Variants in TMEM255B observed in about 807,000 individuals in gnomAD.
TMEM255B encodes the protein family with sequence similarity 70, member B.
In TMEM255B, 35 loss-of-function variants were observed where a neutral mutation model predicts 34.5. The observed-to-expected ratio is 1.01, with a 90% CI of 0.77 to 1.34. The LOEUF (loss-of-function observed/expected upper bound fraction) is 1.34. Ranked by LOEUF, TMEM255B falls within the 40% of genes most tolerant of loss-of-function variation. The probability of loss-of-function intolerance (pLI) is 0.00; values close to 1 mark genes in which losing one functional copy is unlikely to be tolerated. For missense variants in TMEM255B, 432 were observed against 433.2 expected (o/e 1.00, Z 0.02); for synonymous variants, 206 against 201.2 (o/e 1.02, Z -0.20).
At chr13:113,811,358 G>A (rs1490590581) in intron 8 of TMEM255B, among the ~76,000 whole-genome samples, 1 of 137,446 alleles carries the variant, frequency 7.3e-6, no homozygotes, top group Non-Finnish European at 1.6e-5. Context: ...GTGGGGGCCG[G>A]TGAGAGAGGT....
chr13:113,816,015 G>C lies in TMEM255B; in HGVS notation c.*4112G>C. The C allele has an allele frequency of 5.4e-6, 1 of 184,366 alleles. No homozygotes were observed. Among genetic ancestry groups the C allele is most frequent in the South Asian group, 6.2e-5 (1 of 16,250 alleles). 11.4% of individuals were successfully genotyped at this position (184,366 alleles called of 1,614,324 possible). On this transcript the variant is annotated 3_prime_UTR_variant, in exon 9 of 9. Transcript: ENST00000375353. Reference sequence around the variant, plus strand: ...GTGCAGTCACTGCTCAGGGACACGGGTTCTTTTCGGGGAGGCAAGCGTGTT... The same window carrying C: ...GTGCAGTCACTGCTCAGGGACACGGCTTCTTTTCGGGGAGGCAAGCGTGTT...
chr13:113,807,418 T>TG (rs765474731), intron 8 of TMEM255B, among the ~76,000 whole-genome samples: 1 of 117,840 alleles, frequency 8.5e-6, no homozygotes, highest in Non-Finnish European at 1.7e-5. Flanking sequence ...TTACGGGATG[T>TG]GGGGGGTGGT....
At chr13:113,799,610 C>CTCTGGAG in intron 5 of TMEM255B, 191 bp downstream of exon 5, 1 of 640,876 alleles carries the variant, frequency 1.6e-6, no homozygotes, top group African/African-American at 1.8e-5. Context: ...CTGTATTTCA[C>CTCTGGAG]TCTGGAGTCA....
chr13:113,765,202 G>T (rs1435589214), intron 1 of TMEM255B, among the ~76,000 whole-genome samples: 1 of 152,222 alleles, frequency 6.6e-6, no homozygotes, highest in African/African-American at 2.4e-5. Context: ...CCAAGGCCAC[G>T]CCCTTGCTGG....
At chr13:113,776,746 G>T (rs781401573) in intron 3 of TMEM255B, among the ~76,000 whole-genome samples, 1 of 152,206 alleles carries the variant, frequency 6.6e-6, no homozygotes, top group African/African-American at 2.4e-5. Flanking sequence ...CACAGTGGGC[G>T]CAGGCGACCT....
chr13:113,810,196 C>T (rs953091980), intron 8 of TMEM255B, among the ~76,000 whole-genome samples: 13 of 152,172 alleles, frequency 8.5e-5, no homozygotes, highest in Non-Finnish European at 1.0e-4. Flanking sequence ...GCTGGCTTCT[C>T]ATGGGACCCT....
chr13:113,808,827 A>T (rs1374788849), intron 8 of TMEM255B, among the ~76,000 whole-genome samples: 2 of 73,704 alleles, frequency 2.7e-5, no homozygotes, highest in Non-Finnish European at 4.9e-5. Flanking sequence ...CTGGGGGTTT[A>T]CTCCGTGGTT....
In TMEM255B at chr13:113,806,963, G is replaced by T. The variant is rs1301089132; in HGVS notation, c.813+1935G>T. ...TGCAGCCCAGAGCATAGCCTCGGTG[G>T]CCCATGCTGTCTTCCATCCTCAACC... is the stretch of plus-strand genomic sequence containing the variant. On this transcript the variant is annotated intron_variant, in intron 8 of 8. Transcript: ENST00000375353. The surrounding 1 kb of genome is among the most constrained non-coding windows in gnomAD (Gnocchi z 4.2). 6.6e-6 allele frequency among the ~76,000 whole-genome samples: 1 copy of T among 152,214 alleles called. No homozygotes were observed. Among genetic ancestry groups the T allele is most frequent in the Admixed American group, 6.5e-5 (1 of 15,286 alleles).
chr13:113,801,579 C>A, intron 6 of TMEM255B, 74 bp from the exon 7 acceptor site: 1 of 1,498,584 alleles, frequency 6.7e-7, no homozygotes, highest in South Asian at 1.3e-5. Context: ...GGGCTCAGGT[C>A]CAGAGGACAC....
At chr13:113,799,889 T>TCTGTGAC in intron 5 of TMEM255B, 1 of 1,137,618 alleles carries the variant, frequency 8.8e-7, no homozygotes, top group Non-Finnish European at 1.2e-6. Context: ...AGGGCACAGC[T>TCTGTGAC]CTGTGACGGC....
intron 3 of TMEM255B, among the ~76,000 whole-genome samples, chr13:113,773,001 CTTAATA>C (rs2050502312): frequency 6.6e-6 from 1 of 152,062 alleles, no homozygotes. Flanking sequence ...GTGTTACCAT[CTTAATA>C]TTAAGTATCC....
rs771804810 is a variant in TMEM255B at position 113,804,942 on chromosome 13, C to A, written c.727C>A (p.Pro243Thr). The stretch of plus-strand genomic sequence containing the variant: ...CGTCCCACCACAGACCCTCTACAAC[C>A]CCGCCCAGCAGATCCTGGCCTACGC... ...PAVPPQTLYNPAQQILAYAGF... is the reference protein window; with the variant it reads ...PAVPPQTLYNTAQQILAYAGF... Residue 243 changes from proline (P) to threonine (T), a missense_variant, in exon 8 of 9, where the codon CCC becomes ACC. Coordinates refer to ENST00000375353, the MANE Select transcript of TMEM255B (RefSeq NM_182614.4). 5 of 1,606,218 alleles carry A rather than the reference C, an allele frequency of 3.1e-6. No homozygotes were observed. The highest frequency in any genetic ancestry group is 1.3e-5 in the African/African-American group (1 of 75,048).
intron 8 of TMEM255B, 132 bp from the exon 9 acceptor site, chr13:113,811,604 G>C: frequency 1.1e-6 from 1 of 942,726 alleles, no homozygotes; most frequent in South Asian, 1.9e-5. Context: ...ATGGCCCTGA[G>C]TCTGCGGGTG....
At chr13:113,773,421 G>A (rs2050508181) in intron 3 of TMEM255B, among the ~76,000 whole-genome samples, 1 of 152,214 alleles carries the variant, frequency 6.6e-6, no homozygotes, top group Non-Finnish European at 1.5e-5. Context: ...GATGCATGGG[G>A]ACCATTTCTA....
At chr13:113,777,317 C>G (rs1332833690) in intron 3 of TMEM255B, among the ~76,000 whole-genome samples, 1 of 152,114 alleles carries the variant, frequency 6.6e-6, no homozygotes. Flanking sequence ...TCTCTTTACA[C>G]CCAGCACACC....
chr13:113,766,263 T>C lies in TMEM255B; in HGVS notation c.189+6T>C. 1 of 1,613,754 alleles carries C rather than the reference T, an allele frequency of 6.2e-7. No individual in the cohort carries two copies. On this transcript the variant is annotated splice_donor_region_variant and intron_variant, in intron 2 of 8. Transcript: ENST00000375353. The stretch of plus-strand genomic sequence containing the variant: ...GCTACTACCCAGGGATCATTGTGAG[T>C]GCGCCGGGCGGGCGGCCTGGGCCGG...
chr13:113,814,775 C>G lies in TMEM255B; in HGVS notation c.*2872C>G, dbSNP rs759970859. On this transcript the variant is annotated 3_prime_UTR_variant, in exon 9 of 9. Coordinates refer to ENST00000375353, the MANE Select transcript of TMEM255B (RefSeq NM_182614.4). The stretch of plus-strand genomic sequence containing the variant: ...CCTCTGCAGGGATGGGCTCCCAATC[C>G]CGCCCTCACTTGGTTCCCATGCACA... 6.6e-6 allele frequency: 1 copy of G among 152,002 alleles called. No individual in the cohort carries two copies. Among genetic ancestry groups the G allele is most frequent in the Non-Finnish European group, 1.5e-5 (1 of 68,022 alleles). 9.4% of individuals were successfully genotyped at this position (152,002 alleles called of 1,614,324 possible).
chr13:113,809,886 C>T (rs1356094434), intron 8 of TMEM255B, among the ~76,000 whole-genome samples: 1 of 152,116 alleles, frequency 6.6e-6, no homozygotes, highest in African/African-American at 2.4e-5. Flanking sequence ...TCCCTAGTGT[C>T]TCACTCTGTC....
chr13:113,800,064 G>A (rs878869185), intron 5 of TMEM255B: 61 of 927,316 alleles, frequency 6.6e-5, no homozygotes, highest in East Asian at 5.4e-4. Context: ...GGGAGGCATC[G>A]TGTGTGTGTG....
Sources: allele counts gnomAD v4.1 joint callset (sites outside exome capture counted in the v4.1 genomes callset), GRCh38; gene constraint gnomAD v4.1.1; non-coding constraint Gnocchi (gnomAD v3.1); transcripts MANE v1.5; gene names NCBI Gene and HGNC (gene_info 2026-07-23, HGNC 2026-07-21).